APC2: variants seen among roughly 807,000 people sequenced by gnomAD.
The protein encoded by APC2 is APC regulator of Wnt signaling pathway 2, also known as adenomatous polyposis coli protein 2.
Under a neutral mutation model 72.5 loss-of-function variants are expected in APC2, and 41 were observed. The ratio of observed to expected loss-of-function variants is 0.57; its 90% CI spans 0.44 to 0.73. APC2 has a LOEUF of 0.73. APC2 is among the 30% of genes least tolerant of loss of function. The probability of loss-of-function intolerance (pLI) is 0.00; values close to 1 mark genes in which losing one functional copy is unlikely to be tolerated. For synonymous variants in APC2, 1,898 were observed against 1,612.0 expected, an observed-to-expected ratio of 1.18 and a Z score of -4.25; for missense variants, 3,729 against 3,403.4, an observed-to-expected ratio of 1.10 and a Z score of -2.38.
chr19:1,457,789 G>A (rs2083858557), intron 9 of APC2, 176 bp from the exon 10 acceptor site: 1 of 632,378 alleles, frequency 1.6e-6, no homozygotes, highest in East Asian at 2.8e-5. Flanking sequence ...CTGAGTGAGA[G>A]AGGCCACCCC....
intron 12 of APC2, 79 bp downstream of exon 12, chr19:1,460,936 G>A: frequency 1.3e-6 from 2 of 1,593,604 alleles, no homozygotes; most frequent in East Asian, 2.2e-5. Context: ...GTGGTGGGCT[G>A]GCAGGGGTGT....
At chr19:1,450,769 T>G (rs1253982083) in intron 1 of APC2, among the ~76,000 whole-genome samples, 1 of 152,126 alleles carries the variant, frequency 6.6e-6, no homozygotes, top group Non-Finnish European at 1.5e-5. Flanking sequence ...TCATGGTGCC[T>G]TCAGGGAGTG....
intron 9 of APC2, chr19:1,457,502 G>A: frequency 1.8e-6 from 1 of 563,470 alleles, no homozygotes. Context: ...AAAGTTGGGT[G>A]CAGACTTTGA....
rs1166316108 is a variant in APC2 at position 1,467,437 on chromosome 19, C to T, written c.4136C>T (p.Ala1379Val). The part of the protein sequence containing the change: ...LPVPVYMLVP[A>V]PAPAQEDDSC... ...GTGCCCGTCTACATGTTGGTGCCCG[C>T]CCCGGCCCCGGCCCAGGAGGACGAC... The change falls in exon 15 of 15, where the codon GCC becomes GTC. Residue 1379 changes from alanine (A) to valine (V), a missense_variant. By Grantham distance (64) the Ala-to-Val change is moderately conservative. Transcript: ENST00000590469. 1 of 1,478,268 alleles carries T rather than the reference C, an allele frequency of 6.8e-7. No homozygotes were observed. The highest frequency in any genetic ancestry group is 1.3e-5 in the South Asian group (1 of 77,616). 91.6% of individuals were successfully genotyped at this position (1,478,268 alleles called of 1,614,324 possible).
chr19:1,450,239 G>C lies in APC2; in HGVS notation c.-118G>C, dbSNP rs1190791831. ...AGACCCCGGAGCCCGCGCGCTCCGA[G>C]GCCACCCCGGGCCGGGATTTCCGGT... On this transcript the variant is annotated 5_prime_UTR_variant, in exon 1 of 15. Coordinates refer to ENST00000590469, the MANE Select transcript of APC2 (RefSeq NM_005883.3). 1 of 985,266 alleles carries C rather than the reference G, an allele frequency of 1.0e-6. No homozygotes were observed. The highest frequency in any genetic ancestry group is 4.7e-5 in the South Asian group (1 of 21,286). The allele number at this position is 985,266 out of a possible 1,614,324, so 61.0% of individuals were successfully genotyped here. A position where few individuals can be genotyped will look rare whatever the true frequency, so the allele number is the denominator to read the frequency against.
chr19:1,460,948 C>T, intron 12 of APC2, 89 bp from the exon 13 acceptor site: 1 of 1,591,430 alleles, frequency 6.3e-7, no homozygotes, highest in Non-Finnish European at 8.6e-7. Context: ...CAGGGGTGTC[C>T]CGTCCGACTC....
At position 1,468,256 on chromosome 19, in the gene APC2, C is replaced by A; in HGVS notation, c.4955C>A (p.Pro1652His). 6.6e-7 allele frequency: 1 copy of A among 1,523,862 alleles called. No homozygotes were observed. The highest frequency in any genetic ancestry group is 2.5e-5 in the East Asian group (1 of 39,432). 94.4% of individuals were successfully genotyped at this position (1,523,862 alleles called of 1,614,324 possible). A position where few individuals can be genotyped will look rare whatever the true frequency, so the allele number is the denominator to read the frequency against. Residue 1652 changes from proline (P) to histidine (H), a missense_variant, in exon 15 of 15, where the codon CCC becomes CAC. Physicochemically the swap from Pro to His is moderately conservative, Grantham distance 77 (BLOSUM62 -2). Transcript: ENST00000590469. ...GTGTCTGGCCTGCGGCGCCGCAAGCCCCGAGCCACCCGGCTGGATGAGCGG... is the reference window on the plus strand; with the variant it reads ...GTGTCTGGCCTGCGGCGCCGCAAGCACCGAGCCACCCGGCTGGATGAGCGG... ...PPVSGLRRRKPRATRLDERPA... is the reference protein window; with the variant it reads ...PPVSGLRRRKHRATRLDERPA...
At position 1,452,298 on chromosome 19, in the gene APC2, C is replaced by G. The variant is rs2083752328; in HGVS notation, c.-18-686C>G. ...CAGCAGGGACCAGCTGAAGGCTGCG[C>G]AGGGGGTGCGGGCCACACAGGTAGC... On this transcript the variant is annotated intron_variant, in intron 1 of 14. Transcript: ENST00000590469. The surrounding 1 kb of genome is among the most constrained non-coding windows in gnomAD (Gnocchi z 5.1). 6.5e-6 allele frequency: 1 copy of G among 154,288 alleles called. No homozygotes were observed. Among genetic ancestry groups the G allele is most frequent in the African/African-American group, 2.4e-5 (1 of 41,428 alleles). 9.6% of individuals were successfully genotyped at this position (154,288 alleles called of 1,614,324 possible). A position where few individuals can be genotyped will look rare whatever the true frequency, so the allele number is the denominator to read the frequency against.
Position 1,452,104 on chromosome 19 carries a change from A to C in APC2, c.-18-880A>C, listed in dbSNP as rs1599129352. 1 of 89,044 alleles carries C rather than the reference A, an allele frequency of 1.1e-5. No individual in the cohort carries two copies. The highest frequency in any genetic ancestry group is 4.1e-4 in the South Asian group (1 of 2,428). The allele number at this position is 89,044 out of a possible 1,614,324, so 5.5% of individuals were successfully genotyped here. ...GAGCGCTGATGGGAAAGGAACAAAG[A>C]GGGAAGGGGGGCGTGAAGGGGGGCT... is the stretch of plus-strand genomic sequence containing the variant. On this transcript the variant is annotated intron_variant, in intron 1 of 14. Coordinates refer to ENST00000590469, the MANE Select transcript of APC2 (RefSeq NM_005883.3). The surrounding 1 kb of genome is among the most constrained non-coding windows in gnomAD (Gnocchi z 5.1).
chr19:1,460,644 T>C, intron 11 of APC2, 136 bp from the exon 12 acceptor site: 1 of 994,828 alleles, frequency 1.0e-6, no homozygotes, highest in Non-Finnish European at 1.5e-6. Context: ...GAGCATGGGG[T>C]AACCGTCCCC....
chr19:1,457,915 TG>T, intron 9 of APC2, 49 bp from the exon 10 acceptor site: 1 of 1,312,412 alleles, frequency 7.6e-7, no homozygotes. Context: ...GGGAGTCACC[TG>T]GGACATTTCC....
chr19:1,455,429 G>A lies in APC2; in HGVS notation c.568G>A (p.Glu190Lys), dbSNP rs374545598. 4 of 1,608,410 alleles carry A rather than the reference G, an allele frequency of 2.5e-6. No homozygotes were observed. Among genetic ancestry groups the A allele is most frequent in the Non-Finnish European group, 2.5e-6 (3 of 1,178,024 alleles). ...MDLIRQQLEFEAQHIRSLMEE... is the reference protein window; with the variant it reads ...MDLIRQQLEFKAQHIRSLMEE... ...CCTGATCCGGCAGCAGCTTGAGTTCGAGGCCCAGCACATCCGCTCGCTGAT... is the reference window on the plus strand; with the variant it reads ...CCTGATCCGGCAGCAGCTTGAGTTCAAGGCCCAGCACATCCGCTCGCTGAT... The change falls in exon 6 of 15, where the codon GAG (glutamate) becomes AAG (lysine). Residue 190 changes from glutamate to lysine, a missense_variant. Physicochemically the swap from Glu to Lys is moderately conservative, Grantham distance 56 (BLOSUM62 1). Coordinates refer to ENST00000590469, the MANE Select transcript of APC2 (RefSeq NM_005883.3).
intron 11 of APC2, 94 bp downstream of exon 11, chr19:1,460,414 T>G: frequency 6.4e-7 from 1 of 1,565,000 alleles, no homozygotes; most frequent in South Asian, 1.2e-5. Context: ...GAAACAGCCC[T>G]GAGAGCTGGG....
At chr19:1,460,428 AC>A in intron 11 of APC2, 108 bp downstream of exon 11, 1 of 1,515,194 alleles carries the variant, frequency 6.6e-7, no homozygotes, top group Non-Finnish European at 9.0e-7. Flanking sequence ...AGCTGGGGCC[AC>A]TTGTCCCCAA....
rs539295965 is a variant in APC2 at position 1,451,134 on chromosome 19, G to C, written c.-19+796G>C. On this transcript the variant is annotated intron_variant, in intron 1 of 14. Coordinates refer to ENST00000590469, the MANE Select transcript of APC2 (RefSeq NM_005883.3). ...GATCAGAATGTCCTCACAGAGGGGT[G>C]TCAGGAGCTGGGGGAGGCATGATCC... Among the ~76,000 whole-genome samples, 6 of 152,332 alleles carry C rather than the reference G, an allele frequency of 3.9e-5. No individual in the cohort carries two copies. In the East Asian group the frequency reaches 1.2e-3, roughly 29 times the overall value.
At chr19:1,447,266 C>T (rs1423994386), upstream of APC2, among the ~76,000 whole-genome samples, 2 of 152,222 alleles carry the variant, frequency 1.3e-5, no homozygotes, top group African/African-American at 2.4e-5. Flanking sequence ...GGGGCCGCCC[C>T]TGTTTCTGCC....
At chr19:1,449,711 C>A (rs1199737214), upstream of APC2, among the ~76,000 whole-genome samples, 1 of 152,170 alleles carries the variant, frequency 6.6e-6, no homozygotes, top group South Asian at 2.1e-4. Context: ...CCCACCCTGA[C>A]GCACCTGCAC....
chr19:1,469,045 C>G lies in APC2; in HGVS notation c.5744C>G (p.Thr1915Ser). 1 of 1,539,766 alleles carries G rather than the reference C, an allele frequency of 6.5e-7. No homozygotes were observed. Among genetic ancestry groups the G allele is most frequent in the South Asian group, 1.2e-5 (1 of 82,366 alleles). ...ASPVPKTPAR[T>S]LLAKQHKTQR... Reference sequence around the variant, plus strand: ...CCGGTGCCCAAAACGCCGGCGCGCACCCTTCTGGCGAAGCAGCACAAGACG... The same window carrying G: ...CCGGTGCCCAAAACGCCGGCGCGCAGCCTTCTGGCGAAGCAGCACAAGACG... Residue 1915 changes from threonine to serine, a missense_variant, in exon 15 of 15, where the codon ACC (threonine) becomes AGC (serine). Physicochemically the swap from Thr to Ser is moderately conservative, Grantham distance 58 (BLOSUM62 1). Coordinates refer to ENST00000590469, the MANE Select transcript of APC2 (RefSeq NM_005883.3).
At chr19:1,446,627 G>C (rs1302389233), upstream of APC2, among the ~76,000 whole-genome samples, 1 of 152,042 alleles carries the variant, frequency 6.6e-6, no homozygotes, top group South Asian at 2.1e-4. This position sits in a 1 kb window ranked among gnomAD's most constrained non-coding sequence, Gnocchi z 6.1. Context: ...CTCTGCAGGA[G>C]ACCCTCGGAC....
Sources: gnomAD v4.1 joint callset for allele counts (sites outside exome capture counted in the v4.1 genomes callset) on GRCh38, gnomAD v4.1.1 for gene constraint, Gnocchi (gnomAD v3.1) non-coding constraint, MANE v1.5 for transcripts, NCBI Gene and HGNC (gene_info 2026-07-23, HGNC 2026-07-21) for gene names.